CCNY: variants seen among roughly 807,000 people sequenced by gnomAD.
CCNY encodes the protein cyclin-Y.
A neutral mutation model predicts 42.8 loss-of-function variants in CCNY; 19 were observed. That is an observed-to-expected ratio of 0.44 (90% confidence interval 0.31 to 0.65). CCNY has a LOEUF of 0.65. CCNY is among the 30% of genes least tolerant of loss of function. CCNY has a pLI of 0.07. For missense variants in CCNY, 370 were observed against 437.3 expected (o/e 0.85, Z 1.37); for synonymous variants, 165 against 162.7 (o/e 1.01, Z -0.11).
intron 1 of CCNY, among the ~76,000 whole-genome samples, chr10:35,461,710 CT>C (rs1839161636): frequency 6.6e-6 from 1 of 152,164 alleles, no homozygotes; most frequent in Non-Finnish European, 1.5e-5. Context: ...CCCAAGGTCT[CT>C]TTTGCTGCCC....
At position 35,393,391 on chromosome 10, in the gene CCNY, A is replaced by G. The variant is rs139763865; in HGVS notation, c.154+56184A>G. Among the ~76,000 whole-genome samples, 45 of 152,170 alleles carry G rather than the reference A, an allele frequency of 3.0e-4. No individual in the cohort carries two copies. The East Asian group carries it at 6.2e-3, about 21-fold the overall frequency. On this transcript the variant is annotated intron_variant, in intron 1 of 9. Coordinates refer to ENST00000374704, the MANE Select transcript of CCNY (RefSeq NM_145012.6). The stretch of plus-strand genomic sequence containing the variant: ...ACTCAGAAATCGTGGCCTGGTTACT[A>G]TTTGGGAAGGCATGTCTGTGAACCA...
At chr10:35,495,218 C>T (rs1839981873) in intron 2 of CCNY, among the ~76,000 whole-genome samples, 1 of 152,188 alleles carries the variant, frequency 6.6e-6, no homozygotes, top group East Asian at 1.9e-4. Flanking sequence ...TTTGCAGTTG[C>T]ATTTTCTTCT....
At chr10:35,359,642 A>C (rs1836639390) in intron 1 of CCNY, among the ~76,000 whole-genome samples, 1 of 152,100 alleles carries the variant, frequency 6.6e-6, no homozygotes, top group South Asian at 2.1e-4. Context: ...CACCCATTTT[A>C]GCCATTTCTA....
At chr10:35,542,428 C>T (rs1841021797) in intron 7 of CCNY, among the ~76,000 whole-genome samples, 1 of 152,104 alleles carries the variant, frequency 6.6e-6, no homozygotes, top group Non-Finnish European at 1.5e-5. Context: ...GGTTTCTCTG[C>T]TTTGTAGTCA....
intron 1 of CCNY, among the ~76,000 whole-genome samples, chr10:35,476,462 GA>G (rs1211314858): frequency 1.3e-5 from 2 of 152,234 alleles, no homozygotes; most frequent in Admixed American, 1.3e-4. Context: ...AATCAAACTA[GA>G]ACTCAGGATT....
At chr10:35,376,637 C>T (rs138810037) in intron 1 of CCNY, among the ~76,000 whole-genome samples, 7 of 152,206 alleles carry the variant, frequency 4.6e-5, no homozygotes, top group East Asian at 3.9e-4. Flanking sequence ...TTCCCAAATC[C>T]GAAAAAGCCT....
chr10:35,531,448 A>G (rs183363620), intron 7 of CCNY, among the ~76,000 whole-genome samples: 50 of 152,374 alleles, frequency 3.3e-4, no homozygotes, highest in African/African-American at 1.1e-3. Context: ...CTGAAGGATA[A>G]TAGAACAGAC....
At chr10:35,268,160 G>T (rs1170855498) in intron 3 of CCNY, among the ~76,000 whole-genome samples, 1 of 152,028 alleles carries the variant, frequency 6.6e-6, no homozygotes, top group African/African-American at 2.4e-5. Context: ...CTCCCAAAAT[G>T]CTGGGATTAC....
At chr10:35,505,182 G>A (rs910774957) in intron 3 of CCNY, among the ~76,000 whole-genome samples, 8 of 150,766 alleles carry the variant, frequency 5.3e-5, no homozygotes, top group Admixed American at 3.3e-4. Context: ...AACTCAGAAT[G>A]TATGCTTTTT....
intron 1 of CCNY, among the ~76,000 whole-genome samples, chr10:35,481,025 A>C (rs1418010278): frequency 1.3e-5 from 2 of 152,230 alleles, no homozygotes; most frequent in East Asian, 3.8e-4. Flanking sequence ...GAAAACAATC[A>C]CATTATTCAA....
At chr10:35,431,673 C>G (rs937882517) in intron 1 of CCNY, among the ~76,000 whole-genome samples, 1 of 151,820 alleles carries the variant, frequency 6.6e-6, no homozygotes, top group Admixed American at 6.6e-5. Context: ...ACGTGTTCTT[C>G]CTGCAGAATC....
At chr10:35,427,846 A>G (rs1838302772) in intron 1 of CCNY, among the ~76,000 whole-genome samples, 2 of 152,120 alleles carry the variant, frequency 1.3e-5, no homozygotes, top group Non-Finnish European at 2.9e-5. Context: ...AGTTGCCAGC[A>G]GTTGAGAGGA....
At chr10:35,516,661 C>CTT (rs35268084) in intron 4 of CCNY, 38 bp downstream of exon 4, 8,886 of 324,548 alleles carry the variant, frequency 0.027, 122 homozygotes, top group South Asian at 0.031. Context: ...TCCTTCCTTC[C>CTT]TTTTTTTTTT....
At chr10:35,346,902 T>C (rs1836317687) in intron 1 of CCNY, among the ~76,000 whole-genome samples, 2 of 152,256 alleles carry the variant, frequency 1.3e-5, no homozygotes, top group Non-Finnish European at 2.9e-5. Flanking sequence ...GCTGGGATTA[T>C]AGGTGTGAGC....
chr10:35,491,868 C>T (rs1839905454), intron 2 of CCNY, among the ~76,000 whole-genome samples: 1 of 151,796 alleles, frequency 6.6e-6, no homozygotes, highest in African/African-American at 2.4e-5. Context: ...CCCGCCTCGG[C>T]CCTCCAAAGT....
intron 1 of CCNY, among the ~76,000 whole-genome samples, chr10:35,419,099 C>T (rs868338404): frequency 6.6e-6 from 1 of 152,128 alleles, no homozygotes; most frequent in Non-Finnish European, 1.5e-5. Context: ...AGGCATGAGC[C>T]ACCGCACCCG....
rs1040314648 is a variant in CCNY, at chr10:35,498,953, A to G, written c.230-2548A>G. 2.6e-5 allele frequency among the ~76,000 whole-genome samples: 4 copies of G among 152,220 alleles called. No homozygotes were observed. In the East Asian group the frequency reaches 7.7e-4, roughly 29 times the overall value. On this transcript the variant is annotated intron_variant, in intron 2 of 9. Transcript: ENST00000374704. ...ATTCTGTAATAGATTCAGATAGCTT[A>G]TCCTCAGGTGTTCTGTAATAGTCTT...
At chr10:35,258,226 T>C (rs1231034787) in intron 3 of CCNY, among the ~76,000 whole-genome samples, 1 of 152,210 alleles carries the variant, frequency 6.6e-6, no homozygotes, top group Non-Finnish European at 1.5e-5. Flanking sequence ...TTCTTTGTTA[T>C]GGTTTTTGTT....
intron 1 of CCNY, among the ~76,000 whole-genome samples, chr10:35,430,125 C>T (rs1315403926): frequency 6.6e-6 from 1 of 151,612 alleles, no homozygotes; most frequent in Non-Finnish European, 1.5e-5. Flanking sequence ...ATCACGAGGT[C>T]AGGAGATCGA....
Sources: allele counts gnomAD v4.1 joint callset (sites outside exome capture counted in the v4.1 genomes callset), GRCh38; gene constraint gnomAD v4.1.1; transcripts MANE v1.5; gene names NCBI Gene and HGNC (gene_info 2026-07-23, HGNC 2026-07-21).